Variants in UPRT observed in about 807,000 individuals in gnomAD.
UPRT encodes the protein RP11-311P8.3.
UPRT carries 5 observed loss-of-function variants against 22.6 expected under a neutral mutation model. The ratio of observed to expected loss-of-function variants is 0.22; its 90% CI spans 0.12 to 0.47. The LOEUF is 0.47. Among genes scored for constraint, UPRT ranks in the 20% least tolerant of loss-of-function variants. UPRT has a pLI of 0.99. For missense variants in UPRT, 181 were observed against 239.9 expected (o/e 0.75, Z 1.62); for synonymous variants, 77 against 87.7 (o/e 0.88, Z 0.68).
chrX:75,249,711 T>G (rs1351336024), intron 4 of UPRT, among the ~76,000 whole-genome samples: 1 of 111,537 alleles, frequency 9.0e-6, no homozygotes, highest in Non-Finnish European at 1.9e-5. Context: ...CAAGCGGACC[T>G]AATAGACACC....
chrX:75,272,257 T>C (rs897595214), upstream of UPRT, among the ~76,000 whole-genome samples: 1 of 101,281 alleles, frequency 9.9e-6, no homozygotes, highest in Non-Finnish European at 2.0e-5. Flanking sequence ...AATGAGTGGA[T>C]AAAGAAGCTG....
At chrX:75,272,347 CATATAT>C (rs745924274), upstream of UPRT, among the ~76,000 whole-genome samples, 1 of 81,393 alleles carries the variant, frequency 1.2e-5, no homozygotes, top group Non-Finnish European at 2.2e-5. Context: ...TATATATACA[CATATAT>C]ATATGTGTAT....
chrX:75,225,041 C>T (rs2147638098), intron 4 of UPRT, among the ~76,000 whole-genome samples: 1 of 111,201 alleles, frequency 9.0e-6, no homozygotes, highest in East Asian at 2.8e-4. Flanking sequence ...GAGCAGAACA[C>T]TCAGTGGAGC....
At chrX:75,186,240 T>C (rs1359273464) in intron 4 of UPRT, among the ~76,000 whole-genome samples, 5 of 111,724 alleles carry the variant, frequency 4.5e-5, no homozygotes, top group Non-Finnish European at 9.4e-5. Context: ...CTCGTTGGTT[T>C]CAAAGAACAT....
At chrX:75,225,619 G>C (rs2082422000) in intron 4 of UPRT, among the ~76,000 whole-genome samples, 1 of 111,681 alleles carries the variant, frequency 9.0e-6, no homozygotes, top group Admixed American at 9.5e-5. Context: ...GACTTGAGCA[G>C]ATATTTCTTC....
At chrX:75,260,789 A>G (rs903401882) in intron 4 of UPRT, among the ~76,000 whole-genome samples, 1 of 111,884 alleles carries the variant, frequency 8.9e-6, no homozygotes, top group African/African-American at 3.3e-5. Context: ...CCCCAAATCA[A>G]CAGAATATAC....
chrX:75,219,009 G>A (rs1282503418), intron 4 of UPRT, among the ~76,000 whole-genome samples: 1 of 110,661 alleles, frequency 9.0e-6, no homozygotes, highest in Non-Finnish European at 1.9e-5. Context: ...TGCACATTGT[G>A]CACATGTACC....
At chrX:75,246,098 CTTTTA>C (rs1160068438) in intron 4 of UPRT, among the ~76,000 whole-genome samples, 1 of 110,351 alleles carries the variant, frequency 9.1e-6, no homozygotes, top group East Asian at 2.8e-4. Context: ...TGTTTTTGAT[CTTTTA>C]TTTTATTTTA....
At chrX:75,206,633 T>C (rs1194551168) in intron 4 of UPRT, among the ~76,000 whole-genome samples, 3 of 110,938 alleles carry the variant, frequency 2.7e-5, no homozygotes, top group Non-Finnish European at 5.7e-5. Flanking sequence ...TTTGCCTGGG[T>C]ATATACAGGG....
intron 4 of UPRT, among the ~76,000 whole-genome samples, chrX:75,298,611 A>G: frequency 8.9e-6 from 1 of 112,536 alleles, no homozygotes; most frequent in Middle Eastern, 4.6e-3. Context: ...ACATATAAAC[A>G]TTCACTTTTC....
chrX:75,235,737 A>T (rs1299687452), intron 4 of UPRT, among the ~76,000 whole-genome samples: 2 of 112,005 alleles, frequency 1.8e-5, no homozygotes, highest in South Asian at 7.5e-4. Context: ...GCCTTTGACA[A>T]AATTCAACAA....
chrX:75,191,481 C>T (rs1431371404), intron 4 of UPRT, among the ~76,000 whole-genome samples: 2 of 23,210 alleles, frequency 8.6e-5, no homozygotes, highest in African/African-American at 1.7e-4. Flanking sequence ...CTGTTACTCT[C>T]TTCACAGCTG....
At chrX:75,252,069 T>C (rs932920914) in intron 4 of UPRT, among the ~76,000 whole-genome samples, 2 of 112,008 alleles carry the variant, frequency 1.8e-5, no homozygotes, top group South Asian at 7.4e-4. Flanking sequence ...ATTCAAGATG[T>C]ATTAAAGACT....
chrX:75,194,860 G>C (rs932643487), intron 4 of UPRT, among the ~76,000 whole-genome samples: 1 of 110,920 alleles, frequency 9.0e-6, no homozygotes, highest in African/African-American at 3.3e-5. Context: ...ACATTGGCCT[G>C]CATGCCTAGT....
Position 75,183,480 on chromosome X carries a change from CAT to C in UPRT, c.-447+15604_-447+15605del, listed in dbSNP as rs758088180. 2.7e-5 allele frequency among the ~76,000 whole-genome samples: 3 copies of C among 112,067 alleles called. No individual in the cohort carries two copies. The South Asian group carries it at 1.1e-3, about 42-fold the overall frequency. ...CTATTGTGAATAGTGCCGCAGTAAA[CAT>C]ATGTGTGCATGTGCCTTTATAGCAG... On this transcript the variant is annotated intron_variant, in intron 4 of 13. Coordinates refer to the UPRT transcript ENST00000652605.
At chrX:75,171,929 T>A (rs143034229) in intron 4 of UPRT, among the ~76,000 whole-genome samples, 4,988 of 111,813 alleles carry the variant, frequency 0.045, 127 homozygotes, top group Non-Finnish European at 0.071. Context: ...TCCTGTGATG[T>A]GAACTGTCTT....
At chrX:75,233,632 C>CA in intron 4 of UPRT, among the ~76,000 whole-genome samples, 1 of 111,211 alleles carries the variant, frequency 9.0e-6, no homozygotes, top group Non-Finnish European at 1.9e-5. Flanking sequence ...GGCCAATATT[C>CA]AACATTCTTA....
At chrX:75,258,011 G>A (rs1323996950) in intron 4 of UPRT, among the ~76,000 whole-genome samples, 2 of 109,861 alleles carry the variant, frequency 1.8e-5, no homozygotes, top group Non-Finnish European at 3.8e-5. Flanking sequence ...CCCTACCCAA[G>A]CGAAGCCATG....
intron 2 of UPRT, among the ~76,000 whole-genome samples, chrX:75,293,913 C>T (rs753494882): frequency 1.5e-4 from 17 of 111,316 alleles, no homozygotes; most frequent in Non-Finnish European, 2.8e-4. Flanking sequence ...TTGTAGTTTA[C>T]GGCGGCAGCA....
Sources: allele counts gnomAD v4.1 joint callset (sites outside exome capture counted in the v4.1 genomes callset), GRCh38; gene constraint gnomAD v4.1.1; transcripts MANE v1.5; gene names NCBI Gene and HGNC (gene_info 2026-07-23, HGNC 2026-07-21).